MYO16: variants seen among roughly 807,000 people sequenced by gnomAD.
The protein encoded by MYO16 is unconventional myosin-XVI.
MYO16 carries 94 observed loss-of-function variants against 205.3 expected under a neutral mutation model. The ratio of observed to expected loss-of-function variants is 0.46; its 90% confidence interval spans 0.39 to 0.54. The LOEUF is 0.54. Ranked by LOEUF, MYO16 falls within the 20% of genes least tolerant of loss-of-function variation. MYO16 has a pLI of 0.00. For missense variants in MYO16, 2,315 were observed against 2,387.5 expected (o/e 0.97, Z 0.63); for synonymous variants, 988 against 954.0 (o/e 1.04, Z -0.66).
the MYO16 span, among the ~76,000 whole-genome samples, chr13:108,506,324 C>G: frequency 6.6e-6 from 1 of 152,224 alleles, no homozygotes; most frequent in African/African-American, 2.4e-5. Context: ...TTTCTGTCTT[C>G]ATAAATTTCT....
chr13:108,796,639 C>G (rs1886796898), intron 6 of MYO16, among the ~76,000 whole-genome samples: 1 of 151,828 alleles, frequency 6.6e-6, no homozygotes, highest in Non-Finnish European at 1.5e-5. Context: ...AAGCTGGAAA[C>G]CATCATTTTC....
intron 32 of MYO16, among the ~76,000 whole-genome samples, chr13:109,160,160 T>A (rs1878307625): frequency 6.6e-6 from 1 of 152,134 alleles, no homozygotes; most frequent in East Asian, 1.9e-4. Context: ...ACTAAAAATG[T>A]CTCCAGACAT....
chr13:109,180,010 G>A, intron 34 of MYO16, among the ~76,000 whole-genome samples: 1 of 151,932 alleles, frequency 6.6e-6, no homozygotes, highest in African/African-American at 2.4e-5. Flanking sequence ...ACCACACCTG[G>A]GAATAAAATG....
chr13:108,536,682 T>C, the MYO16 span, among the ~76,000 whole-genome samples: 1 of 152,164 alleles, frequency 6.6e-6, no homozygotes, highest in African/African-American at 2.4e-5. Context: ...AATGAAGGAA[T>C]ACCTGAAACT....
chr13:108,577,156 T>C, the MYO16 span, among the ~76,000 whole-genome samples: 1 of 152,124 alleles, frequency 6.6e-6, no homozygotes, highest in Non-Finnish European at 1.5e-5. Flanking sequence ...TCATTTTTTG[T>C]TTAATGCAAT....
chr13:108,927,002 A>G (rs147070688), intron 16 of MYO16, among the ~76,000 whole-genome samples: 8 of 152,294 alleles, frequency 5.3e-5, no homozygotes, highest in African/African-American at 1.7e-4. Flanking sequence ...GGCACGGTGC[A>G]TATCTCAGAG....
intron 27 of MYO16, among the ~76,000 whole-genome samples, chr13:109,061,869 C>A (rs1294023642): frequency 6.6e-6 from 1 of 152,134 alleles, no homozygotes; most frequent in Non-Finnish European, 1.5e-5. Flanking sequence ...TTATCTCACT[C>A]AGCCAATAAT....
In MYO16 at chr13:109,123,066, AT is replaced by A. The variant is rs1406520201; in HGVS notation, c.3536-2045del. Among the ~76,000 whole-genome samples, 5 of 152,306 alleles carry A rather than the reference AT, an allele frequency of 3.3e-5. No homozygotes were observed. The East Asian group carries it at 7.7e-4, about 23-fold the overall frequency. Reference sequence around the variant, plus strand: ...ATGCTCATTTTATCCTGGATGAAAAATATCTGTAAATTAAGACCTTACATGG... The same window carrying A: ...ATGCTCATTTTATCCTGGATGAAAAAATCTGTAAATTAAGACCTTACATGG... On this transcript the variant is annotated intron_variant, in intron 29 of 34. Coordinates refer to ENST00000457511, the MANE Select transcript of MYO16 (RefSeq NM_001198950.3).
chr13:108,681,287 C>G (rs751609007), intron 2 of MYO16, among the ~76,000 whole-genome samples: 3 of 152,212 alleles, frequency 2.0e-5, no homozygotes, highest in Non-Finnish European at 4.4e-5. Flanking sequence ...TCACGTCTCC[C>G]TTCCAGACTC....
intron 14 of MYO16, among the ~76,000 whole-genome samples, chr13:108,893,934 G>A (rs1181081445): frequency 6.6e-6 from 1 of 152,148 alleles, no homozygotes; most frequent in Non-Finnish European, 1.5e-5. Flanking sequence ...CAGTGTACTA[G>A]TCTGTTCTCA....
intron 3 of MYO16, among the ~76,000 whole-genome samples, chr13:108,723,563 A>G (rs1007626513): frequency 6.6e-6 from 1 of 152,172 alleles, no homozygotes; most frequent in African/African-American, 2.4e-5. Context: ...GTTTCAGTAT[A>G]ATTGACTGAA....
chr13:108,997,364 G>A (rs1025615197), intron 21 of MYO16, among the ~76,000 whole-genome samples: 13 of 5,494 alleles, frequency 2.4e-3, no homozygotes, highest in African/African-American at 4.9e-3. Flanking sequence ...GAGAGAGAGA[G>A]AGAGAGAGAG....
intron 10 of MYO16, among the ~76,000 whole-genome samples, chr13:108,849,216 C>T (rs145076381): frequency 3.3e-5 from 5 of 152,114 alleles, no homozygotes; most frequent in Non-Finnish European, 5.9e-5. Flanking sequence ...TCTGAGATGA[C>T]GTCTTACTCT....
At chr13:108,871,409 G>A (rs1010465311) in intron 12 of MYO16, among the ~76,000 whole-genome samples, 5 of 149,850 alleles carry the variant, frequency 3.3e-5, no homozygotes, top group African/African-American at 9.8e-5. Context: ...TGACATCCAC[G>A]GAGATTTTTG....
At chr13:108,961,015 A>C (rs1883559083) in intron 17 of MYO16, among the ~76,000 whole-genome samples, 1 of 152,140 alleles carries the variant, frequency 6.6e-6, no homozygotes, top group African/African-American at 2.4e-5. Context: ...GGCCTCCTTT[A>C]GTTTTTCCAG....
upstream of MYO16, among the ~76,000 whole-genome samples, chr13:108,591,583 T>A (rs568981359): frequency 6.6e-6 from 1 of 152,272 alleles, no homozygotes; most frequent in East Asian, 1.9e-4. Context: ...GAAGGAAACA[T>A]AACAAAAATC....
chr13:108,612,112 G>A (rs72664936), intron 1 of MYO16, among the ~76,000 whole-genome samples: 22,963 of 151,492 alleles, frequency 0.15, 2,312 homozygotes, highest in Non-Finnish European at 0.21. Context: ...GACTTGAATC[G>A]CTTGTTGGCT....
At chr13:108,902,291 A>G (rs990659430) in intron 15 of MYO16, among the ~76,000 whole-genome samples, 1 of 152,184 alleles carries the variant, frequency 6.6e-6, no homozygotes, top group South Asian at 2.1e-4. Flanking sequence ...GGACCAGATA[A>G]TTTTACAGAT....
the MYO16 span, among the ~76,000 whole-genome samples, chr13:108,580,105 TA>T: frequency 1.3e-5 from 2 of 152,308 alleles, no homozygotes; most frequent in East Asian, 3.9e-4. Flanking sequence ...AAAATAAATT[TA>T]AAAAATAAAG....
Sources: allele counts gnomAD v4.1 joint callset (sites outside exome capture counted in the v4.1 genomes callset), GRCh38; gene constraint gnomAD v4.1.1; transcripts MANE v1.5; gene names NCBI Gene and HGNC (gene_info 2026-07-23, HGNC 2026-07-21).